The following SRRM2 variants were observed in gnomAD, a reference collection of about 807,000 sequenced individuals.
SRRM2 encodes serine/arginine repetitive matrix 2.
Under a neutral mutation model 213.8 loss-of-function variants are expected in SRRM2, and 30 were observed. The observed-to-expected ratio is 0.14, with a 90% CI of 0.10 to 0.19. SRRM2 has a LOEUF of 0.19. Among genes scored for constraint, SRRM2 ranks in the 10% least tolerant of loss-of-function variants. SRRM2 has a pLI of 1.00. For synonymous variants in SRRM2, 2,025 were observed against 1,377.7 expected (o/e 1.47, Z -10.40); for missense variants, 4,904 against 3,647.0 (o/e 1.34, Z -8.88).
At position 2,762,406 on chromosome 16, in the gene SRRM2, G is replaced by T. The variant is rs1460304015; in HGVS notation, c.1878G>T (p.Arg626Ser). The change falls in exon 11 of 15, where the codon AGG (arginine) becomes AGT (serine). Residue 626 changes from arginine (R) to serine (S), a missense_variant. Transcript: ENST00000301740. ...GAACACCTGCTAGGCGCAGATCTAG[G>T]ACCCGATCACCAGTACGACGCAGGT... ...RSRTPARRRSRTRSPVRRRSR... is the reference protein window; with the variant it reads ...RSRTPARRRSSTRSPVRRRSR... The T allele has an allele frequency of 6.2e-7, 1 of 1,614,006 alleles. No homozygotes were observed. The highest frequency in any genetic ancestry group is 1.1e-5 in the South Asian group (1 of 91,064).
chr16:2,761,823 G>T lies in SRRM2; in HGVS notation c.1295G>T (p.Arg432Leu). ...TCCCCTCAACCTACCAAAGTTTCTC[G>T]GCATGCCAGCTCTTCCCCAGAAAGT... is the stretch of plus-strand genomic sequence containing the variant. Reference protein sequence around the residue: ...PPSPQPTKVSRHASSSPESPK... With the variant: ...PPSPQPTKVSLHASSSPESPK... The change falls in exon 11 of 15, where the codon CGG (arginine) becomes CTG (leucine). Residue 432 changes from arginine (R) to leucine (L), a missense_variant. Physicochemically the swap from Arg to Leu is moderately radical, Grantham distance 102. Coordinates refer to ENST00000301740, the MANE Select transcript of SRRM2 (RefSeq NM_016333.4). 1.2e-6 allele frequency: 2 copies of T among 1,613,628 alleles called. No individual in the cohort carries two copies. The highest frequency in any genetic ancestry group is 1.7e-6 in the Non-Finnish European group (2 of 1,179,990).
chr16:2,762,345 C>T lies in SRRM2; in HGVS notation c.1817C>T (p.Ser606Phe), dbSNP rs1247775818. The change falls in exon 11 of 15, where the codon TCT becomes TTT. Residue 606 changes from serine to phenylalanine, a missense_variant. Physicochemically the swap from Ser to Phe is radical, Grantham distance 155. Transcript: ENST00000301740. ...SRTPTRRRSR[S>F]RTPARRGRSR... is the part of the protein sequence containing the mutation. ...ACTCCCACCAGGCGTAGGTCTCGGT[C>T]TAGAACACCAGCCCGGAGGGGCAGG... is the stretch of plus-strand genomic sequence containing the variant. The T allele has an allele frequency of 1.2e-6, 2 of 1,610,844 alleles. No individual in the cohort carries two copies. Among genetic ancestry groups the T allele is most frequent in the Non-Finnish European group, 1.7e-6 (2 of 1,178,616 alleles).
At chr16:2,753,468 AC>A (rs2068018099) in intron 1 of SRRM2, 1 of 152,182 alleles carries the variant, frequency 6.6e-6, no homozygotes, top group Admixed American at 6.5e-5. Context: ...GCGGGGAGAA[AC>A]CCCAAATCTT....
chr16:2,757,949 T>C lies in SRRM2; in HGVS notation c.515+4T>C, dbSNP rs1169103844. 2 of 1,606,724 alleles carry C rather than the reference T, an allele frequency of 1.2e-6. No individual in the cohort carries two copies. Among genetic ancestry groups the C allele is most frequent in the Non-Finnish European group, 1.7e-6 (2 of 1,177,044 alleles). On this transcript the variant is annotated splice_donor_region_variant and intron_variant, in intron 4 of 14. Transcript: ENST00000301740. ...CTGAGCCTCCCAAACCTTACAGGTA[T>C]ACAAGGCCAAGAAACCACTGTCAGC...
At chr16:2,760,225 A>T in intron 9 of SRRM2, 76 bp from the exon 10 acceptor site, 2 of 1,416,648 alleles carry the variant, frequency 1.4e-6, no homozygotes. Flanking sequence ...GGTGGATGGG[A>T]GTTGGGGAGG....
At chr16:2,770,084 G>C (rs1319633474) in intron 12 of SRRM2, 1 of 1,303,472 alleles carries the variant, frequency 7.7e-7, no homozygotes, top group African/African-American at 1.5e-5. Flanking sequence ...CCCACACACG[G>C]GGCCGTGCGT....
chr16:2,767,613 C>T lies in SRRM2; in HGVS notation c.7085C>T (p.Ala2362Val), dbSNP rs751975108. The stretch of plus-strand genomic sequence containing the variant: ...GGCTCCAGAACCGCCGCAGCCTTGG[C>T]CCCCGCGAGCCTCACCAGTGCTAGG... ...IAGSRTAAAL[A>V]PASLTSARMA... Residue 2362 changes from alanine to valine, a missense_variant, in exon 11 of 15, where the codon GCC (alanine) becomes GTC (valine). Coordinates refer to ENST00000301740, the MANE Select transcript of SRRM2 (RefSeq NM_016333.4). The T allele has an allele frequency of 1.9e-6, 3 of 1,614,164 alleles. No individual in the cohort carries two copies. Among genetic ancestry groups the T allele is most frequent in the South Asian group, 2.2e-5 (2 of 91,086 alleles).
At position 2,761,454 on chromosome 16, in the gene SRRM2, G is replaced by A. The variant is rs949250865; in HGVS notation, c.1033-107G>A. 8.1e-6 allele frequency: 7 copies of A among 869,526 alleles called. No homozygotes were observed. In the East Asian group the frequency reaches 1.6e-4, roughly 20 times the overall value. The allele number at this position is 869,526 out of a possible 1,614,324, so 53.9% of individuals were successfully genotyped here. Reference sequence around the variant, plus strand: ...TGAAAGTGATCGCTTGTGGTCAGAGGGTGTGTAAAAGAAAAGTTATCATTG... The same window carrying A: ...TGAAAGTGATCGCTTGTGGTCAGAGAGTGTGTAAAAGAAAAGTTATCATTG... On this transcript the variant is annotated intron_variant, in intron 10 of 14. Coordinates refer to ENST00000301740, the MANE Select transcript of SRRM2 (RefSeq NM_016333.4).
At chr16:2,759,197 G>A (rs202233656) in intron 7 of SRRM2, 25 bp downstream of exon 7, 9 of 1,613,234 alleles carry the variant, frequency 5.6e-6, no homozygotes, top group African/African-American at 1.3e-5. Flanking sequence ...ACTCATAGGG[G>A]GCGCAGTGGC....
At chr16:2,757,634 C>T (rs561804937) in intron 3 of SRRM2, 55 bp downstream of exon 3, 22 of 1,586,074 alleles carry the variant, frequency 1.4e-5, no homozygotes, top group Non-Finnish European at 1.8e-5. Context: ...CTGCTGGCTG[C>T]TGCTGCTGTC....
chr16:2,759,302 A>T (rs764515417), intron 7 of SRRM2, 50 bp from the exon 8 acceptor site: 6 of 1,609,658 alleles, frequency 3.7e-6, no homozygotes, highest in Non-Finnish European at 5.1e-6. Context: ...TTTTGGTTTT[A>T]TTTCCTTTTT....
chr16:2,757,715 A>G, intron 3 of SRRM2, 66 bp from the exon 4 acceptor site: 1 of 1,590,874 alleles, frequency 6.3e-7, no homozygotes, highest in Non-Finnish European at 8.6e-7. Context: ...TCCTGCTTAT[A>G]CTTGTGTTCT....
chr16:2,766,161 C>G lies in SRRM2; in HGVS notation c.5633C>G (p.Ser1878Cys), dbSNP rs1298803899. 2 of 1,614,064 alleles carry G rather than the reference C, an allele frequency of 1.2e-6. No individual in the cohort carries two copies. Among genetic ancestry groups the G allele is most frequent in the Admixed American group, 3.3e-5 (2 of 59,996 alleles). Residue 1878 changes from serine (S) to cysteine (C), a missense_variant, in exon 11 of 15, where the codon TCC becomes TGC. Transcript: ENST00000301740. This position sits in a 1 kb window ranked among gnomAD's most constrained non-coding sequence, Gnocchi z 7.0. ...ASPATHRRSR[S>C]RTPLISRRRS... ...CCAGCCACTCACCGGCGATCCAGGT[C>G]CAGAACCCCCCTGATAAGCCGACGT...
Position 2,764,777 on chromosome 16 carries a change from G to A in SRRM2, c.4249G>A (p.Glu1417Lys), listed in dbSNP as rs138963537. 20 of 1,614,068 alleles carry A rather than the reference G, an allele frequency of 1.2e-5. No homozygotes were observed. The highest frequency in any genetic ancestry group is 1.7e-5 in the Non-Finnish European group (20 of 1,180,038). Residue 1417 changes from glutamate to lysine, a missense_variant, in exon 11 of 15, where the codon GAA becomes AAA. Physicochemically the swap from Glu to Lys is moderately conservative, Grantham distance 56. Coordinates refer to ENST00000301740, the MANE Select transcript of SRRM2 (RefSeq NM_016333.4). ...LDAVPRTPSR[E>K]RSSSASSPEM... The stretch of plus-strand genomic sequence containing the variant: ...TGCTGTACCCAGAACACCCTCGAGA[G>A]AAAGAAGTAGTTCTGCATCTTCTCC...
chr16:2,769,840 C>T (rs1422391626), intron 12 of SRRM2: 1 of 466,108 alleles, frequency 2.1e-6, no homozygotes, highest in African/African-American at 2.0e-5. Flanking sequence ...CTGCCCGCCC[C>T]CACACATGCC....
chr16:2,755,133 A>G (rs754244816), intron 1 of SRRM2, among the ~76,000 whole-genome samples: 3 of 152,066 alleles, frequency 2.0e-5, no homozygotes, highest in Admixed American at 6.6e-5. Flanking sequence ...CTTGGAGAGG[A>G]TGAGGGTGAG....
Position 2,770,698 on chromosome 16 carries a change from A to T in SRRM2, c.8230A>T (p.Met2744Leu). 1 of 1,560,114 alleles carries T rather than the reference A, an allele frequency of 6.4e-7. No individual in the cohort carries two copies. The highest frequency in any genetic ancestry group is 1.2e-5 in the South Asian group (1 of 85,266). The change falls in exon 14 of 15, where the codon ATG becomes TTG. Residue 2744 changes from methionine to leucine, a missense_variant. Physicochemically the swap from Met to Leu is conservative, Grantham distance 15 (BLOSUM62 2). Transcript: ENST00000301740. Reference protein sequence around the residue: ...RRRETPSPRPMRHRSSRSP With the variant: ...RRRETPSPRPLRHRSSRSP ...GAGGGAGACACCTAGCCCTCGGCCC[A>T]TGAGACACCGCTCCTCCAGGTGCGT...
chr16:2,755,056 C>G (rs773732346), intron 1 of SRRM2, among the ~76,000 whole-genome samples: 7 of 152,212 alleles, frequency 4.6e-5, no homozygotes, highest in East Asian at 1.9e-4. Context: ...ACTCTCTCCG[C>G]TTTACGTATT....
rs1337537701 is a variant in SRRM2, at chr16:2,768,899, C to T, written c.7734-98C>T. The T allele has an allele frequency of 2.6e-6, 4 of 1,566,740 alleles. No individual in the cohort carries two copies. In the Admixed American group the frequency reaches 7.6e-5, roughly 30 times the overall value. On this transcript the variant is annotated intron_variant, in intron 11 of 14. Transcript: ENST00000301740. ...CTCGGAGAGCTCCCAGCGCCTTTCTCAGGCACCCCTCCCCCCACTGCCGTT... is the reference window on the plus strand; with the variant it reads ...CTCGGAGAGCTCCCAGCGCCTTTCTTAGGCACCCCTCCCCCCACTGCCGTT...
Sources: allele counts gnomAD v4.1 joint callset (sites outside exome capture counted in the v4.1 genomes callset), GRCh38; gene constraint gnomAD v4.1.1; non-coding constraint Gnocchi (gnomAD v3.1); transcripts MANE v1.5; gene names NCBI Gene and HGNC (gene_info 2026-07-23, HGNC 2026-07-21).